BACH2: variants seen among roughly 807,000 people sequenced by gnomAD.
BACH2 encodes transcription regulator protein BACH2.
Under a neutral mutation model 61.8 loss-of-function variants are expected in BACH2, and 5 were observed. That is an observed-to-expected ratio of 0.08 (90% CI 0.04 to 0.17). The LOEUF (loss-of-function observed/expected upper bound fraction) is 0.17, where lower values mean the gene tolerates loss of function less well. BACH2 is among the 10% of genes least tolerant of loss of function. The pLI is 1.00. For synonymous variants in BACH2, 446 were observed against 440.1 expected (o/e 1.01, Z -0.17); for missense variants, 824 against 1,091.1 (o/e 0.76, Z 3.45).
At chr6:90,034,827 A>T (rs1779184717) in intron 5 of BACH2, among the ~76,000 whole-genome samples, 1 of 152,152 alleles carries the variant, frequency 6.6e-6, no homozygotes, top group South Asian at 2.1e-4. Context: ...TCCTCACCTA[A>T]AACATCTCCA....
chr6:90,132,922 G>A (rs1784125927), intron 4 of BACH2, among the ~76,000 whole-genome samples: 1 of 151,976 alleles, frequency 6.6e-6, no homozygotes, highest in Non-Finnish European at 1.5e-5. Flanking sequence ...GTCCAGTTAC[G>A]CTCCAAGACC....
rs545198287 is a variant in BACH2 at position 89,929,277 on chromosome 6, C to T, written c.*3131G>A. On this transcript the variant is annotated 3_prime_UTR_variant, in exon 9 of 9. Coordinates refer to ENST00000257749, the MANE Select transcript of BACH2 (RefSeq NM_021813.4). ...CAAACACTCTTCCTTGCTGTTCACT[C>T]ACTTTTCTTTTTCCTAAAAGGCGTG... 3 of 152,374 alleles carry T rather than the reference C, an allele frequency of 2.0e-5. No homozygotes were observed. Among genetic ancestry groups the T allele is most frequent in the Non-Finnish European group, 4.4e-5 (3 of 68,056 alleles). 9.4% of individuals were successfully genotyped at this position (152,374 alleles called of 1,614,324 possible). A position where few individuals can be genotyped will look rare whatever the true frequency, so the allele number is the denominator to read the frequency against.
intron 8 of BACH2, among the ~76,000 whole-genome samples, chr6:89,936,735 A>G (rs981981359): frequency 2.0e-5 from 3 of 152,026 alleles, no homozygotes; most frequent in Admixed American, 6.5e-5. Context: ...AACAATAACA[A>G]AAAACCCTGA....
Position 89,941,807 on chromosome 6 carries a change from A to G in BACH2, c.1837-3457T>C, listed in dbSNP as rs185829678. 7.1e-3 allele frequency among the ~76,000 whole-genome samples: 1,081 copies of G among 152,280 alleles called. 23 individuals carry two copies. Among genetic ancestry groups the G allele is most frequent in the Non-Finnish European group, 9.8e-3 (666 of 68,008 alleles). Reference sequence around the variant, plus strand: ...GTGTTTACTTACTCTCAGAAAGAAGATATCCCTATAGTTCAGGCCACAGGG... The same window carrying G: ...GTGTTTACTTACTCTCAGAAAGAAGGTATCCCTATAGTTCAGGCCACAGGG... On this transcript the variant is annotated intron_variant, in intron 7 of 8. Transcript: ENST00000257749.
intron 6 of BACH2, among the ~76,000 whole-genome samples, chr6:89,990,389 C>T (rs1172006624): frequency 6.6e-6 from 1 of 152,170 alleles, no homozygotes; most frequent in Admixed American, 6.6e-5. Context: ...TAAGCTTTTG[C>T]CTTTTTCATC....
intron 1 of BACH2, among the ~76,000 whole-genome samples, chr6:90,273,181 G>C (rs1234899754): frequency 6.6e-6 from 1 of 151,536 alleles, no homozygotes; most frequent in Admixed American, 6.6e-5. Context: ...ATAACATAAC[G>C]AGTTCCTGTT....
chr6:90,185,540 T>A (rs1768325582), intron 4 of BACH2, among the ~76,000 whole-genome samples: 1 of 152,224 alleles, frequency 6.6e-6, no homozygotes, highest in African/African-American at 2.4e-5. Context: ...GTTGTGGGAT[T>A]ATACATGATT....
At position 90,214,751 on chromosome 6, in the gene BACH2, CTTT is replaced by C. The variant is rs563651580; in HGVS notation, c.-274-8073_-274-8071del. 5.9e-3 allele frequency among the ~76,000 whole-genome samples: 560 copies of C among 94,248 alleles called. 2 individuals are homozygous for C. Among genetic ancestry groups the C allele is most frequent in the African/African-American group, 0.023 (542 of 24,080 alleles). 61.8% of individuals were successfully genotyped at this position (94,248 alleles called of 152,430 possible). The stretch of plus-strand genomic sequence containing the variant: ...CTTTTCTGGGGCTTAGATTCTGTTC[CTTT>C]TTTTTTTTTTTTTTTTTTTTTTTCT... On this transcript the variant is annotated intron_variant, in intron 3 of 8. Transcript: ENST00000257749.
intron 5 of BACH2, among the ~76,000 whole-genome samples, chr6:90,043,379 G>T (rs1369559494): frequency 2.6e-5 from 4 of 151,994 alleles, no homozygotes; most frequent in African/African-American, 9.7e-5. Context: ...AAGCCATTTT[G>T]GCCATGTCTC....
intron 5 of BACH2, chr6:90,080,842 G>A (rs989482842): frequency 2.9e-5 from 26 of 896,456 alleles, no homozygotes; most frequent in African/African-American, 2.5e-4. Context: ...AGCTAACACC[G>A]TCTTCATGCG....
chr6:90,083,781 AG>A (rs1305377795), intron 5 of BACH2, among the ~76,000 whole-genome samples: 32 of 152,324 alleles, frequency 2.1e-4, no homozygotes, highest in Middle Eastern at 3.4e-3. Flanking sequence ...CAAAATTTTT[AG>A]ATTATTATTA....
At chr6:90,071,693 G>A (rs750532892) in intron 5 of BACH2, among the ~76,000 whole-genome samples, 4 of 152,158 alleles carry the variant, frequency 2.6e-5, no homozygotes, top group Non-Finnish European at 5.9e-5. Context: ...GCCGATCCCC[G>A]ACGCAGTCGA....
chr6:90,279,988 G>A (rs577279179), intron 1 of BACH2, among the ~76,000 whole-genome samples: 2 of 152,160 alleles, frequency 1.3e-5, no homozygotes, highest in African/African-American at 4.8e-5. Context: ...CTTTTGAGGG[G>A]AAAAAGGTAA....
At chr6:90,058,368 T>G (rs1780486412) in intron 5 of BACH2, among the ~76,000 whole-genome samples, 3 of 152,156 alleles carry the variant, frequency 2.0e-5, no homozygotes, top group Admixed American at 6.5e-5. Context: ...GAACTCCCAT[T>G]CACAATTGCT....
intron 1 of BACH2, among the ~76,000 whole-genome samples, chr6:90,295,870 G>C (rs1772346195): frequency 6.6e-6 from 1 of 152,152 alleles, no homozygotes; most frequent in Non-Finnish European, 1.5e-5. Flanking sequence ...CCCTAAACTT[G>C]GGCTTTGATT....
At chr6:90,006,393 G>A (rs1777407537) in intron 6 of BACH2, among the ~76,000 whole-genome samples, 1 of 152,180 alleles carries the variant, frequency 6.6e-6, no homozygotes, top group African/African-American at 2.4e-5. Flanking sequence ...CCTGGCTACA[G>A]TGCAGCTGCC....
rs1774004390 is a variant in BACH2 at position 89,950,382 on chromosome 6, A to G, written c.1724T>C (p.Val575Ala). The G allele has an allele frequency of 1.2e-6, 2 of 1,614,064 alleles. No individual in the cohort carries two copies. Among genetic ancestry groups the G allele is most frequent in the Admixed American group, 1.7e-5 (1 of 60,018 alleles). The stretch of plus-strand genomic sequence containing the variant: ...CTGCTCACATTTAATTTGGGGCCGC[A>G]CTTGGTTGTACATTCCATCTCCCAT... Reference protein sequence around the residue: ...GLMGDGMYNQVRPQIKCEQSY... With the variant: ...GLMGDGMYNQARPQIKCEQSY... The change falls in exon 7 of 9, where the codon GTG becomes GCG. Residue 575 changes from valine to alanine, a missense_variant. By Grantham distance (64) the Val-to-Ala change is moderately conservative. Around this residue, in one of 8 missense-constraint regions of BACH2, gnomAD observed 160 missense variants for 283.5 expected, o/e 0.56. Transcript: ENST00000257749. The surrounding 1 kb of genome is among the most constrained non-coding windows in gnomAD (Gnocchi z 5.3).
intron 6 of BACH2, among the ~76,000 whole-genome samples, chr6:89,985,690 T>C (rs1776202912): frequency 6.6e-6 from 1 of 152,150 alleles, no homozygotes; most frequent in Non-Finnish European, 1.5e-5. Flanking sequence ...ACAAAGGGGA[T>C]TTCTGTAACT....
chr6:89,949,414 A>C (rs973322053), intron 7 of BACH2, among the ~76,000 whole-genome samples: 5 of 151,944 alleles, frequency 3.3e-5, no homozygotes, highest in Non-Finnish European at 7.4e-5. Context: ...CTTTCTAGGG[A>C]ATGTTCATGT....
Sources: allele counts gnomAD v4.1 joint callset (sites outside exome capture counted in the v4.1 genomes callset), GRCh38; gene constraint gnomAD v4.1.1; regional missense constraint gnomAD v4.1.1; non-coding constraint Gnocchi (gnomAD v3.1); transcripts MANE v1.5; gene names NCBI Gene and HGNC (gene_info 2026-07-23, HGNC 2026-07-21).